Variants in GLI2 observed in about 807,000 individuals in gnomAD.
GLI2 encodes the protein GLI family zinc finger 2.
GLI2 carries 22 observed loss-of-function variants against 78.9 expected under a neutral mutation model. The ratio of observed to expected loss-of-function variants is 0.28; its 90% CI spans 0.20 to 0.40. The LOEUF (loss-of-function observed/expected upper bound fraction) is 0.40. Among genes scored for constraint, GLI2 ranks in the 10% least tolerant of loss-of-function variants. The pLI is 1.00. For missense variants in GLI2, 2,097 were observed against 2,213.2 expected (o/e 0.95, Z 1.05); for synonymous variants, 974 against 963.7 (o/e 1.01, Z -0.20).
At chr2:120,736,772 C>G (rs544171745) in intron 1 of GLI2, among the ~76,000 whole-genome samples, 1 of 152,178 alleles carries the variant, frequency 6.6e-6, no homozygotes, top group South Asian at 2.1e-4. Flanking sequence ...CTTCTCCGCG[C>G]TGCGCGTCCC....
intron 2 of GLI2, among the ~76,000 whole-genome samples, chr2:120,879,082 C>T (rs543731475): frequency 1.3e-3 from 203 of 152,188 alleles, no homozygotes; most frequent in Admixed American, 3.1e-3. Context: ...TTTGGAATGG[C>T]GCTGGCTGCT....
intron 1 of GLI2, among the ~76,000 whole-genome samples, chr2:120,767,410 G>A (rs541529074): frequency 2.0e-5 from 3 of 152,284 alleles, no homozygotes; most frequent in Non-Finnish European, 4.4e-5. Flanking sequence ...TTTTATTCAC[G>A]CTCGGCCTCT....
chr2:120,774,311 C>T (rs1279240354), intron 1 of GLI2, among the ~76,000 whole-genome samples: 1 of 152,126 alleles, frequency 6.6e-6, no homozygotes, highest in Non-Finnish European at 1.5e-5. Flanking sequence ...AGATGTAATT[C>T]GCGTACCATA....
intron 1 of GLI2, among the ~76,000 whole-genome samples, chr2:120,785,410 G>A (rs1448801963): frequency 6.6e-6 from 1 of 152,214 alleles, no homozygotes; most frequent in Non-Finnish European, 1.5e-5. Context: ...CAGACTTGGA[G>A]GAAAGCCGGT....
At chr2:120,808,573 C>T (rs571757266) in intron 2 of GLI2, among the ~76,000 whole-genome samples, 3 of 152,304 alleles carry the variant, frequency 2.0e-5, no homozygotes, top group South Asian at 2.1e-4. Context: ...TCGATGTCAG[C>T]GAGATCTTTG....
Position 120,982,799 on chromosome 2 carries a change from G to T in GLI2, c.1551G>T (p.Val517=). Residue 517 remains valine, a synonymous_variant, in exon 11 of 14, where the codon GTG becomes GTT. Coordinates refer to ENST00000361492, the MANE Select transcript of GLI2 (RefSeq NM_001374353.1). ...LRSHTGEKPY[V]CEHEGCNKAF... ...CCCACACCGGGGAGAAGCCATATGTGTGTGAGCACGAGGGCTGCAACAAAG... is the reference window on the plus strand; with the variant it reads ...CCCACACCGGGGAGAAGCCATATGTTTGTGAGCACGAGGGCTGCAACAAAG... 6.2e-7 allele frequency: 1 copy of T among 1,614,142 alleles called. No homozygotes were observed. Among genetic ancestry groups the T allele is most frequent in the Non-Finnish European group, 8.5e-7 (1 of 1,179,990 alleles).
intron 2 of GLI2, among the ~76,000 whole-genome samples, chr2:120,888,685 T>G (rs1426582439): frequency 6.6e-6 from 1 of 152,182 alleles, no homozygotes; most frequent in Non-Finnish European, 1.5e-5. Context: ...TTTCTTTTCT[T>G]TCTTCGTTCA....
intron 4 of GLI2, among the ~76,000 whole-genome samples, chr2:120,953,724 T>G (rs1197939527): frequency 1.3e-5 from 2 of 152,160 alleles, no homozygotes; most frequent in Non-Finnish European, 2.9e-5. Flanking sequence ...GCACAGTGGC[T>G]CATGCCTGTA....
rs78865390 is a variant in GLI2 at position 120,980,129 on chromosome 2, C to G, written c.1467+1546C>G. On this transcript the variant is annotated intron_variant, in intron 10 of 13. Transcript: ENST00000361492. ...ATGTGCGTTCATGTTTTTATATGGA[C>G]AGAACGTTTTCACTTCTCTTGGGTA... Among the ~76,000 whole-genome samples the G allele has an allele frequency of 8.3e-3, 1,264 of 152,278 alleles. 22 individuals are homozygous for G. The highest frequency in any genetic ancestry group is 0.029 in the African/African-American group (1,207 of 41,540).
chr2:120,785,680 T>A (rs753454344), intron 1 of GLI2, among the ~76,000 whole-genome samples: 1 of 152,222 alleles, frequency 6.6e-6, no homozygotes. Flanking sequence ...CCTTGGAGAT[T>A]GCTGGCTCGT....
At chr2:120,863,080 T>G (rs1224632214) in intron 2 of GLI2, among the ~76,000 whole-genome samples, 1 of 152,220 alleles carries the variant, frequency 6.6e-6, no homozygotes, top group East Asian at 1.9e-4. Flanking sequence ...GAAGGGGCTA[T>G]TGCTGTGGTT....
intron 2 of GLI2, among the ~76,000 whole-genome samples, chr2:120,842,315 C>T (rs959121171): frequency 1.3e-5 from 2 of 152,096 alleles, no homozygotes; most frequent in Admixed American, 1.3e-4. Flanking sequence ...TACACACATA[C>T]ATACATATAT....
intron 8 of GLI2, among the ~76,000 whole-genome samples, chr2:120,974,657 C>T (rs953260276): frequency 1.4e-4 from 22 of 152,198 alleles, no homozygotes; most frequent in African/African-American, 5.1e-4. Context: ...TGGTTCCCCA[C>T]AGCACTTCGA....
intron 2 of GLI2, among the ~76,000 whole-genome samples, chr2:120,798,917 G>A (rs1359759025): frequency 6.6e-6 from 1 of 152,196 alleles, no homozygotes; most frequent in Non-Finnish European, 1.5e-5. Flanking sequence ...CCTGGCCTCT[G>A]TGTATGTCTG....
intron 1 of GLI2, among the ~76,000 whole-genome samples, chr2:120,790,857 GTCCCTGACTGTCC>G (rs575506182): frequency 6.6e-6 from 1 of 152,274 alleles, no homozygotes; most frequent in South Asian, 2.1e-4. Context: ...AGCTGGTGGA[GTCCCTGACTGTCC>G]CCCCAGGGCC....
Position 120,843,145 on chromosome 2 carries a change from A to C in GLI2, c.148+45677A>C, listed in dbSNP as rs548258778. On this transcript the variant is annotated intron_variant, in intron 2 of 13. Transcript: ENST00000361492. ...TCAATAAAGGCCTCATTTTCCTTTTAATATTCCAGAATGCAGTGGGAGTGA... is the reference window on the plus strand; with the variant it reads ...TCAATAAAGGCCTCATTTTCCTTTTCATATTCCAGAATGCAGTGGGAGTGA... 1.5e-3 allele frequency among the ~76,000 whole-genome samples: 233 copies of C among 152,312 alleles called. 1 individual carries two copies. The highest frequency in any genetic ancestry group is 2.7e-3 in the Non-Finnish European group (181 of 68,026).
chr2:120,856,382 C>T (rs371552168), intron 2 of GLI2, among the ~76,000 whole-genome samples: 8 of 152,322 alleles, frequency 5.3e-5, no homozygotes, highest in African/African-American at 1.9e-4. Context: ...TCCTGTGGGG[C>T]TCCAGGTTGG....
intron 2 of GLI2, among the ~76,000 whole-genome samples, chr2:120,927,133 T>G (rs1679718237): frequency 6.6e-6 from 1 of 152,222 alleles, no homozygotes. Flanking sequence ...CTTGTCTTTG[T>G]CAAGAGCGCA....
In GLI2 at chr2:120,797,451, C is replaced by T. The variant is rs200095340; in HGVS notation, c.131C>T (p.Ala44Val). ...PLVVAAAAAA[A>V]VAAQGVPQHL... ...GTGGTGGCTGCAGCGGCAGCAGCAG[C>T]GGTAGCTGCCCAAGGAGGTACTTTC... is the stretch of plus-strand genomic sequence containing the variant. The change falls in exon 2 of 14, where the codon GCG becomes GTG. Residue 44 changes from alanine (A) to valine (V), a missense_variant. By Grantham distance (64) the Ala-to-Val change is moderately conservative. This residue lies in a region of GLI2 where 578 missense variants were observed against 612.0 expected (regional missense o/e 0.94). Coordinates refer to ENST00000361492, the MANE Select transcript of GLI2 (RefSeq NM_001374353.1). 8.2e-5 allele frequency: 133 copies of T among 1,613,886 alleles called. 1 individual carries two copies. The East Asian group carries it at 1.6e-3, about 19-fold the overall frequency.
Sources: gnomAD v4.1 joint callset for allele counts (sites outside exome capture counted in the v4.1 genomes callset) on GRCh38, gnomAD v4.1.1 for gene constraint, gnomAD v4.1.1 regional missense constraint, MANE v1.5 for transcripts, NCBI Gene and HGNC (gene_info 2026-07-23, HGNC 2026-07-21) for gene names.